The following KCNQ2 variants were observed in gnomAD, a reference collection of about 807,000 sequenced individuals.
KCNQ2 encodes potassium voltage-gated channel subfamily Q member 2, also known as potassium voltage-gated channel subfamily KQT member 2.
Under a neutral mutation model 84.8 loss-of-function variants are expected in KCNQ2, and 14 were observed. The observed-to-expected ratio is 0.17, with a 90% CI of 0.11 to 0.26. KCNQ2 has a LOEUF of 0.26. KCNQ2 is among the 10% of genes least tolerant of loss of function. KCNQ2 has a pLI of 1.00. For missense variants in KCNQ2, 788 were observed against 1,254.0 expected, an observed-to-expected ratio of 0.63 and a Z score of 5.61; for synonymous variants, 599 against 554.1, an observed-to-expected ratio of 1.08 and a Z score of -1.14.
chr20:63,463,039 TC>T (rs2081994067), intron 1 of KCNQ2, among the ~76,000 whole-genome samples: 1 of 146,876 alleles, frequency 6.8e-6, no homozygotes, highest in Non-Finnish European at 1.5e-5. Context: ...TTTCAGGGTT[TC>T]CGTGGGTGTC....
At chr20:63,444,626 G>T (rs1350498164) in intron 4 of KCNQ2, 33 bp downstream of exon 4, 2 of 1,494,884 alleles carry the variant, frequency 1.3e-6, no homozygotes, top group Non-Finnish European at 1.8e-6. Flanking sequence ...CTGGCTGGGG[G>T]CGCCCACCGC....
chr20:63,453,197 G>A (rs938606416), intron 1 of KCNQ2, among the ~76,000 whole-genome samples: 1 of 152,188 alleles, frequency 6.6e-6, no homozygotes. Context: ...TCCGCCCGCC[G>A]CCACAGGCCC....
Position 63,446,451 on chromosome 20 carries a change from G to A in KCNQ2, c.387+296C>T, listed in dbSNP as rs1013109264. ...TCTCCGGCTCCAGAGATAAAGTGGG[G>A]ATGGGAAAGGGAGGGTGGCCCACCC... On this transcript the variant is annotated intron_variant, in intron 2 of 16. Coordinates refer to ENST00000359125, the MANE Select transcript of KCNQ2 (RefSeq NM_172107.4). This position sits in a 1 kb window ranked among gnomAD's most constrained non-coding sequence, Gnocchi z 5.5. 2.0e-5 allele frequency among the ~76,000 whole-genome samples: 3 copies of A among 152,202 alleles called. No individual in the cohort carries two copies. The highest frequency in any genetic ancestry group is 2.1e-4 in the South Asian group (1 of 4,834).
rs2080245099 is a variant in KCNQ2 at position 63,415,064 on chromosome 20, T to C, written c.1364A>G (p.Lys455Arg). The C allele has an allele frequency of 6.2e-7, 1 of 1,607,156 alleles. No homozygotes were observed. The highest frequency in any genetic ancestry group is 1.7e-5 in the Admixed American group (1 of 60,024). The change falls in exon 13 of 17, where the codon AAG (lysine) becomes AGG (arginine). Residue 455 changes from lysine to arginine, a missense_variant. By Grantham distance (26) the Lys-to-Arg change is conservative (BLOSUM62 2). Coordinates refer to ENST00000359125, the MANE Select transcript of KCNQ2 (RefSeq NM_172107.4). ...CACAGTCTGGGCCTGCGGGGACCCC[T>C]TCCCCTTGGCAGCCACGCCTCGGGG... The part of the protein sequence containing the change: ...SSPRGVAAKG[K>R]GSPQAQTVRR...
chr20:63,444,473 G>C (rs2081352397), intron 4 of KCNQ2, among the ~76,000 whole-genome samples, 186 bp downstream of exon 4: 4 of 152,172 alleles, frequency 2.6e-5, no homozygotes, highest in Admixed American at 2.6e-4. Flanking sequence ...GTCACGAGAA[G>C]AAGCACCGAG....
chr20:63,433,396 TGATGGGG>T (rs1196257121), intron 8 of KCNQ2: 1 of 329,330 alleles, frequency 3.0e-6, no homozygotes, highest in African/African-American at 2.2e-5. Flanking sequence ...CCTAGGTCCT[TGATGGGG>T]GACGGGGTCA....
chr20:63,470,424 T>C (rs1020827346), intron 1 of KCNQ2, among the ~76,000 whole-genome samples: 1 of 152,140 alleles, frequency 6.6e-6, no homozygotes, highest in African/African-American at 2.4e-5. Flanking sequence ...AGACCCCACA[T>C]GTGCAAGTGT....
chr20:63,413,227 G>C (rs182068897), intron 15 of KCNQ2: 1 of 581,154 alleles, frequency 1.7e-6, no homozygotes. Flanking sequence ...ACAGGTGCAC[G>C]CACTTGCCCA....
intron 14 of KCNQ2, 53 bp from the exon 15 acceptor site, chr20:63,413,634 A>G: frequency 1.2e-6 from 2 of 1,608,560 alleles, no homozygotes; most frequent in Non-Finnish European, 1.7e-6. Context: ...CCCCGGCCAC[A>G]GGCACCAGGA....
chr20:63,470,174 G>T (rs1250533120), intron 1 of KCNQ2, among the ~76,000 whole-genome samples: 3 of 152,168 alleles, frequency 2.0e-5, no homozygotes, highest in Non-Finnish European at 2.9e-5. Context: ...CCTCCCAAAG[G>T]GGCCGCCTCC....
intron 11 of KCNQ2, among the ~76,000 whole-genome samples, chr20:63,420,899 G>A (rs867977410): frequency 7.2e-5 from 11 of 152,182 alleles, no homozygotes; most frequent in East Asian, 1.9e-4. Flanking sequence ...CGAACGCGAC[G>A]GTGGGACGAG....
chr20:63,447,648 G>A (rs889763986), intron 1 of KCNQ2, among the ~76,000 whole-genome samples: 1 of 152,054 alleles, frequency 6.6e-6, no homozygotes, highest in South Asian at 2.1e-4. Flanking sequence ...AGGCTGGAGT[G>A]CAATGGCGTG....
At chr20:63,419,881 C>A (rs1341548728) in intron 11 of KCNQ2, among the ~76,000 whole-genome samples, 2 of 146,698 alleles carry the variant, frequency 1.4e-5, no homozygotes, top group Non-Finnish European at 2.9e-5. Flanking sequence ...GGAAAAAAAT[C>A]CCTGTTTTTT....
rs769907479 is a variant in KCNQ2, at chr20:63,446,886, G to A, written c.297-49C>T. On this transcript the variant is annotated intron_variant, in intron 1 of 16. Transcript: ENST00000359125. This position sits in a 1 kb window ranked among gnomAD's most constrained non-coding sequence, Gnocchi z 5.5. The stretch of plus-strand genomic sequence containing the variant: ...TCAGACAGGCCGCAGCAGGGCAGCA[G>A]CATGGCTGTGTCTCCAGAACTCAGG... 3.3e-6 allele frequency: 5 copies of A among 1,515,454 alleles called. No individual in the cohort carries two copies. The South Asian group carries it at 3.4e-5, about 10-fold the overall frequency. 93.9% of individuals were successfully genotyped at this position (1,515,454 alleles called of 1,614,324 possible). A position where few individuals can be genotyped will look rare whatever the true frequency, so the allele number is the denominator to read the frequency against.
chr20:63,437,966 C>A (rs941195443), intron 7 of KCNQ2, among the ~76,000 whole-genome samples: 2 of 152,300 alleles, frequency 1.3e-5, no homozygotes, highest in South Asian at 4.1e-4. Context: ...CACGCCACCA[C>A]GCCCAGCTAA....
Position 63,406,938 on chromosome 20 carries a change from C to T in KCNQ2, c.2325G>A (p.Arg775=), listed in dbSNP as rs1435367099. The change falls in exon 17 of 17, where the codon AGG becomes AGA. Residue 775 remains arginine (R), a synonymous_variant. Coordinates refer to ENST00000359125, the MANE Select transcript of KCNQ2 (RefSeq NM_172107.4). The part of the protein sequence containing the change: ...FLRQEDTPGC[R]PPEGNLRDSD... ...TGTCCCGCAGGTTCCCCTCGGGGGG[C>T]CTGCAGCCCGGGGTGTCCTCCTGCC... 1 of 1,595,556 alleles carries T rather than the reference C, an allele frequency of 6.3e-7. No homozygotes were observed. Among genetic ancestry groups the T allele is most frequent in the East Asian group, 2.3e-5 (1 of 44,210 alleles).
At chr20:63,459,987 C>G (rs534937803) in intron 1 of KCNQ2, 2 of 152,200 alleles carry the variant, frequency 1.3e-5, no homozygotes, top group Admixed American at 1.3e-4. Context: ...TGGACAGGTG[C>G]GTTTACACTA....
chr20:63,423,848 G>A (rs967514254), intron 11 of KCNQ2: 53 of 439,612 alleles, frequency 1.2e-4, no homozygotes, highest in Admixed American at 2.3e-4. Context: ...TGGAGGGAGC[G>A]CACTAACAGA....
intron 1 of KCNQ2, among the ~76,000 whole-genome samples, chr20:63,456,290 C>T (rs544548771): frequency 1.1e-4 from 17 of 152,244 alleles, no homozygotes; most frequent in Admixed American, 9.8e-4. Flanking sequence ...GCCGCCACCC[C>T]GCTCCTCACT....
Sources: allele counts gnomAD v4.1 joint callset (sites outside exome capture counted in the v4.1 genomes callset), GRCh38; gene constraint gnomAD v4.1.1; non-coding constraint Gnocchi (gnomAD v3.1); transcripts MANE v1.5; gene names NCBI Gene and HGNC (gene_info 2026-07-23, HGNC 2026-07-21).